SMIM31: variants seen among roughly 807,000 people sequenced by gnomAD.
SMIM31 encodes the protein small integral membrane protein 31.
intron 2 of SMIM31, among the ~76,000 whole-genome samples, chr4:164,795,882 C>T (rs1579074825): frequency 2.0e-5 from 3 of 152,252 alleles, no homozygotes; most frequent in South Asian, 4.1e-4. Context: ...AAAGCACAGT[C>T]TAGTGAGGTG....
chr4:164,777,491 A>T (rs956961267), intron 2 of SMIM31, among the ~76,000 whole-genome samples: 8 of 152,220 alleles, frequency 5.3e-5, no homozygotes, highest in African/African-American at 1.9e-4. Context: ...GCACATAGTG[A>T]CGCGGCAGTA....
At chr4:164,783,881 G>A (rs554905293) in intron 2 of SMIM31, among the ~76,000 whole-genome samples, 87 of 152,198 alleles carry the variant, frequency 5.7e-4, no homozygotes, top group African/African-American at 1.9e-3. Context: ...GAATTTTCCT[G>A]TAACTACTTA....
chr4:164,793,533 G>A (rs2110960750), intron 2 of SMIM31, among the ~76,000 whole-genome samples: 1 of 152,296 alleles, frequency 6.6e-6, no homozygotes, highest in East Asian at 1.9e-4. Context: ...CCAAGATCAA[G>A]GTACTGGTCA....
intron 2 of SMIM31, among the ~76,000 whole-genome samples, chr4:164,800,860 T>C (rs1213654831): frequency 1.3e-5 from 2 of 152,194 alleles, no homozygotes; most frequent in East Asian, 3.8e-4. Context: ...GCCTTTGCGA[T>C]ACTGAACCAA....
chr4:164,761,096 G>A (rs1353622041), intron 1 of SMIM31, among the ~76,000 whole-genome samples: 1 of 152,086 alleles, frequency 6.6e-6, no homozygotes, highest in East Asian at 1.9e-4. Flanking sequence ...AGAATTAAAT[G>A]CTTTGGTTAT....
intron 2 of SMIM31, among the ~76,000 whole-genome samples, chr4:164,777,684 C>T (rs1040160522): frequency 6.6e-6 from 1 of 151,822 alleles, no homozygotes; most frequent in Admixed American, 6.5e-5. Context: ...TCTTGACAAG[C>T]AGTAGCTATC....
intron 1 of SMIM31, among the ~76,000 whole-genome samples, chr4:164,756,520 C>G (rs910464103): frequency 2.1e-4 from 31 of 150,924 alleles, no homozygotes; most frequent in African/African-American, 7.1e-4. Flanking sequence ...TGCAGTGAGG[C>G]GAGATCACGT....
chr4:164,757,919 A>T (rs1464728104), intron 1 of SMIM31, among the ~76,000 whole-genome samples: 1 of 152,044 alleles, frequency 6.6e-6, no homozygotes, highest in Non-Finnish European at 1.5e-5. Flanking sequence ...AAAGTTTAGG[A>T]TCAGCTTATC....
intron 2 of SMIM31, among the ~76,000 whole-genome samples, chr4:164,783,859 C>T (rs984438939): frequency 6.6e-6 from 1 of 152,146 alleles, no homozygotes; most frequent in African/African-American, 2.4e-5. Context: ...GACATTTTCA[C>T]TTCATTTATA....
Position 164,780,359 on chromosome 4 carries a change from G to A in SMIM31, c.112+9804G>A, listed in dbSNP as rs548388659. Reference sequence around the variant, plus strand: ...GGAGAACTGCTTGAACTCGGGAGGTGGAGGTTGCAGTGAGCCGAGATTGCG... The same window carrying A: ...GGAGAACTGCTTGAACTCGGGAGGTAGAGGTTGCAGTGAGCCGAGATTGCG... On this transcript the variant is annotated intron_variant, in intron 2 of 2. Coordinates refer to ENST00000507311, the MANE Select transcript of SMIM31 (RefSeq NM_001352885.1). 5.3e-5 allele frequency among the ~76,000 whole-genome samples: 8 copies of A among 152,326 alleles called. No individual in the cohort carries two copies. In the South Asian group the frequency reaches 6.2e-4, roughly 12 times the overall value.
At chr4:164,772,188 G>A (rs961554521) in intron 2 of SMIM31, among the ~76,000 whole-genome samples, 14 of 152,188 alleles carry the variant, frequency 9.2e-5, no homozygotes, top group African/African-American at 3.4e-4. Context: ...GAAGGGAAAG[G>A]GGTAGTGAGG....
At chr4:164,768,069 C>CAA (rs148153558) in intron 1 of SMIM31, among the ~76,000 whole-genome samples, 153 of 150,358 alleles carry the variant, frequency 1.0e-3, no homozygotes, top group East Asian at 1.6e-3. Flanking sequence ...CTTGTCTCTA[C>CAA]AAAAAAAATC....
chr4:164,799,188 C>A (rs906829701), intron 2 of SMIM31, among the ~76,000 whole-genome samples: 4 of 151,974 alleles, frequency 2.6e-5, no homozygotes, highest in African/African-American at 9.7e-5. Context: ...GAGTTCAAGA[C>A]CAGCCTGGGC....
At chr4:164,782,711 C>T (rs1732970718) in intron 2 of SMIM31, among the ~76,000 whole-genome samples, 1 of 150,224 alleles carries the variant, frequency 6.7e-6, no homozygotes, top group African/African-American at 2.5e-5. Flanking sequence ...CATTGAATAA[C>T]AAAGTTCTGA....
At chr4:164,782,570 G>C (rs563170912) in intron 2 of SMIM31, among the ~76,000 whole-genome samples, 1 of 113,104 alleles carries the variant, frequency 8.8e-6, no homozygotes, top group African/African-American at 9.7e-5. Context: ...TAATAGAGAC[G>C]GGTTTTCACC....
chr4:164,764,911 A>G (rs1045921345), intron 1 of SMIM31, among the ~76,000 whole-genome samples: 2 of 152,208 alleles, frequency 1.3e-5, no homozygotes, highest in African/African-American at 4.8e-5. Context: ...AGAGTTTTCT[A>G]AAGAGCAGGG....
At chr4:164,792,931 C>G (rs1733122549) in intron 2 of SMIM31, among the ~76,000 whole-genome samples, 1 of 151,908 alleles carries the variant, frequency 6.6e-6, no homozygotes, top group South Asian at 2.1e-4. Flanking sequence ...AAAAACATAC[C>G]AATGGATTAG....
chr4:164,783,320 T>A (rs931931560), intron 2 of SMIM31, among the ~76,000 whole-genome samples: 25 of 150,990 alleles, frequency 1.7e-4, no homozygotes, highest in African/African-American at 5.9e-4. Context: ...GGTCAGGAAT[T>A]CAAGACCAGC....
intron 2 of SMIM31, among the ~76,000 whole-genome samples, chr4:164,785,650 GTATA>G (rs978731858): frequency 1.0e-5 from 1 of 97,506 alleles, no homozygotes; most frequent in Non-Finnish European, 2.3e-5. Context: ...GTGTGTGTGT[GTATA>G]TATATATATA....
Sources: gnomAD v4.1 joint callset for allele counts (sites outside exome capture counted in the v4.1 genomes callset) on GRCh38, gnomAD v4.1.1 for gene constraint, MANE v1.5 for transcripts, NCBI Gene and HGNC (gene_info 2026-07-23, HGNC 2026-07-21) for gene names.